VMA12: variants seen among roughly 807,000 people sequenced by gnomAD.
The protein encoded by VMA12 is vacuolar ATPase assembly protein VMA12.
chr17:28,357,979 C>G, the VMA12 span: 2 of 1,299,396 alleles, frequency 1.5e-6, no homozygotes, highest in African/African-American at 2.9e-5. Flanking sequence ...ACGGAGCACT[C>G]ATCTAGACAA....
the VMA12 span, chr17:28,363,041 T>A: frequency 1.3e-5 from 2 of 152,322 alleles, no homozygotes; most frequent in African/African-American, 4.8e-5. Flanking sequence ...TTACTGAGTT[T>A]TTACGATGTG....
the VMA12 span, chr17:28,359,662 T>C: frequency 7.5e-6 from 2 of 266,104 alleles, no homozygotes; most frequent in Non-Finnish European, 1.5e-5. Flanking sequence ...CCTAGCACTT[T>C]GGGAGGCTGA....
chr17:28,360,871 G>GGGTGC, the VMA12 span: 1 of 1,593,810 alleles, frequency 6.3e-7, no homozygotes, highest in East Asian at 2.2e-5. Context: ...GGGCAGGGCA[G>GGGTGC]GGTGCCCCTG....
At chr17:28,359,530 A>C in the VMA12 span, 1 of 784,358 alleles carries the variant, frequency 1.3e-6, no homozygotes, top group Non-Finnish European at 2.0e-6. Flanking sequence ...GGACCATAGG[A>C]AGTCTGCATA....
chr17:28,357,935 T>C, the VMA12 span: 1 of 1,582,810 alleles, frequency 6.3e-7, no homozygotes, highest in Non-Finnish European at 8.6e-7. Flanking sequence ...ATCGATTCCC[T>C]CCTGAGGTCT....
At chr17:28,358,661 G>T in the VMA12 span, among the ~76,000 whole-genome samples, 1 of 152,218 alleles carries the variant, frequency 6.6e-6, no homozygotes, top group Non-Finnish European at 1.5e-5. Context: ...AAAGGCACAA[G>T]TAAATGGCTT....
At chr17:28,360,589 C>G in the VMA12 span, 4 of 1,614,088 alleles carry the variant, frequency 2.5e-6, no homozygotes, top group South Asian at 1.1e-5. Context: ...ACTAGGAGAT[C>G]AGGCTTCTAA....
chr17:28,357,960 CCTT>C, the VMA12 span: 22 of 1,470,720 alleles, frequency 1.5e-5, no homozygotes, highest in South Asian at 2.3e-5. Flanking sequence ...CCATCATTCC[CCTT>C]CTTCTACGGA....
At chr17:28,360,957 G>A in the VMA12 span, 4 of 1,015,024 alleles carry the variant, frequency 3.9e-6, no homozygotes, top group Non-Finnish European at 1.5e-6. Context: ...AGATATTTAT[G>A]CCATTAATAA....
the VMA12 span, chr17:28,358,005 A>G: frequency 1.4e-5 from 15 of 1,046,222 alleles, no homozygotes; most frequent in East Asian, 3.4e-4. Flanking sequence ...GAGTCACTCC[A>G]TAAATCCCAG....
chr17:28,358,409 T>A, the VMA12 span: 2 of 472,166 alleles, frequency 4.2e-6, no homozygotes, highest in African/African-American at 4.0e-5. Context: ...TCATTTCTCC[T>A]CGCTGGGCCT....
chr17:28,361,362 C>T, the VMA12 span: 2 of 985,998 alleles, frequency 2.0e-6, no homozygotes, highest in Non-Finnish European at 3.1e-6. Context: ...TCCAGTTAGT[C>T]AGAAGACCAG....
chr17:28,357,649 C>G, the VMA12 span: 2 of 1,609,998 alleles, frequency 1.2e-6, no homozygotes, highest in East Asian at 4.5e-5. Flanking sequence ...TTGGGGTCAC[C>G]TGACCGGAGA....
chr17:28,361,132 T>C, the VMA12 span: 1 of 1,612,428 alleles, frequency 6.2e-7, no homozygotes, highest in Non-Finnish European at 8.5e-7. Flanking sequence ...CTGCATCCCT[T>C]AAGCCTGGTT....
At chr17:28,360,990 C>A in the VMA12 span, 1 of 897,988 alleles carries the variant, frequency 1.1e-6, no homozygotes, top group Non-Finnish European at 1.7e-6. Flanking sequence ...AGCTTTCCAG[C>A]AGTCACGGGA....
chr17:28,359,957 G>A, the VMA12 span, among the ~76,000 whole-genome samples: 3 of 151,958 alleles, frequency 2.0e-5, no homozygotes. Flanking sequence ...GAATCTTGGA[G>A]GCTTTTTTTC....
chr17:28,360,441 T>G, the VMA12 span: 1 of 1,146,546 alleles, frequency 8.7e-7, no homozygotes, highest in East Asian at 2.5e-5. Flanking sequence ...GTTAATATGT[T>G]GGGGAATAGA....
At chr17:28,360,631 G>A in the VMA12 span, 8 of 1,609,664 alleles carry the variant, frequency 5.0e-6, no homozygotes, top group Non-Finnish European at 6.8e-6. Flanking sequence ...ATGACACTCA[G>A]GCTTGTTGTT....
chr17:28,359,191 G>A, the VMA12 span: 5 of 1,075,268 alleles, frequency 4.7e-6, no homozygotes, highest in South Asian at 1.5e-5. Flanking sequence ...AAGCACTGGA[G>A]TTACGACTAG....
Sources: gnomAD v4.1 joint callset for allele counts (sites outside exome capture counted in the v4.1 genomes callset) on GRCh38, gnomAD v4.1.1 for gene constraint, MANE v1.5 for transcripts, NCBI Gene and HGNC (gene_info 2026-07-23, HGNC 2026-07-21) for gene names.